Variants in TP53BP2 observed in about 807,000 individuals in gnomAD.
The protein encoded by TP53BP2 is tumor protein p53 binding protein 2.
TP53BP2 carries 62 observed loss-of-function variants against 126.2 expected under a neutral mutation model. The ratio of observed to expected loss-of-function variants is 0.49; its 90% CI spans 0.40 to 0.61. The LOEUF is 0.61. Among genes scored for constraint, TP53BP2 ranks in the 20% least tolerant of loss-of-function variants. The pLI, the probability that TP53BP2 is intolerant of heterozygous loss-of-function variation, is 0.00. For synonymous variants in TP53BP2, 485 were observed against 502.9 expected (o/e 0.96, Z 0.48); for missense variants, 1,215 against 1,402.8 (o/e 0.87, Z 2.14).
chr1:223,792,712 C>T (rs370568265), intron 14 of TP53BP2, among the ~76,000 whole-genome samples, 190 bp from the exon 15 acceptor site: 1 of 151,904 alleles, frequency 6.6e-6, no homozygotes, highest in Non-Finnish European at 1.5e-5. Context: ...GACAGAAAAA[C>T]CACATTAAGT....
chr1:223,836,076 T>C (rs556565802), intron 1 of TP53BP2, among the ~76,000 whole-genome samples: 4 of 152,308 alleles, frequency 2.6e-5, no homozygotes, highest in Admixed American at 6.5e-5. Flanking sequence ...CTCACAACTA[T>C]AGTCCTGGAA....
At chr1:223,814,468 T>C (rs1663018074) in intron 2 of TP53BP2, 115 bp from the exon 3 acceptor site, 2 of 745,622 alleles carry the variant, frequency 2.7e-6, no homozygotes, top group Admixed American at 2.7e-5. Context: ...ATGCTTAGTA[T>C]CTCAGGTAAA....
rs1479452518 is a variant in TP53BP2, at chr1:223,795,814, C to T, written c.2724+1G>A. On this transcript the variant is annotated splice_donor_variant, in intron 13 of 17. Transcript: ENST00000343537. LOFTEE classifies it high-confidence loss of function. Reference sequence around the variant, plus strand: ...AGGCTATGAGATAGTACATTACTTACAGGAGGCAGAGAGACCTGCCCGGTG... The same window carrying T: ...AGGCTATGAGATAGTACATTACTTATAGGAGGCAGAGAGACCTGCCCGGTG... 6.6e-7 allele frequency: 1 copy of T among 1,526,028 alleles called. No individual in the cohort carries two copies. The highest frequency in any genetic ancestry group is 8.8e-7 in the Non-Finnish European group (1 of 1,138,572). 94.5% of individuals were successfully genotyped at this position (1,526,028 alleles called of 1,614,324 possible). A position where few individuals can be genotyped will look rare whatever the true frequency, so the allele number is the denominator to read the frequency against.
chr1:223,807,019 G>A, intron 4 of TP53BP2, 72 bp from the exon 5 acceptor site: 1 of 1,190,944 alleles, frequency 8.4e-7, no homozygotes, highest in East Asian at 2.4e-5. Context: ...CGCCCTCAAA[G>A]GTCTATGTAA....
chr1:223,810,319 A>C (rs1301580186), intron 4 of TP53BP2, 112 bp downstream of exon 4: 1 of 681,046 alleles, frequency 1.5e-6, no homozygotes, highest in Non-Finnish European at 2.3e-6. Flanking sequence ...ATAACCTTTA[A>C]AAAGCGGCCA....
intron 1 of TP53BP2, among the ~76,000 whole-genome samples, chr1:223,845,449 G>A (rs920471323): frequency 6.6e-6 from 1 of 152,114 alleles, no homozygotes; most frequent in East Asian, 1.9e-4. Context: ...GTCTCGCCGC[G>A]CCCCCACGAC....
chr1:223,784,454 TG>T lies in TP53BP2; in HGVS notation c.3164-141del, dbSNP rs1164841000. On this transcript the variant is annotated intron_variant, in intron 16 of 17. Coordinates refer to ENST00000343537, the MANE Select transcript of TP53BP2 (RefSeq NM_001031685.3). ...GTACTACATTAAATATACAATAAAA[TG>T]TCCTGAGGTGGGGGGTAGCATGCAG... The T allele has an allele frequency of 5.5e-6, 4 of 730,636 alleles. No homozygotes were observed. In the East Asian group the frequency reaches 1.1e-4, roughly 20 times the overall value. 45.3% of individuals were successfully genotyped at this position (730,636 alleles called of 1,614,324 possible).
At chr1:223,794,426 A>C (rs1004043861) in intron 13 of TP53BP2, among the ~76,000 whole-genome samples, 4 of 152,238 alleles carry the variant, frequency 2.6e-5, no homozygotes, top group African/African-American at 9.6e-5. Context: ...GTACAGTGTA[A>C]TGACACTTGC....
chr1:223,792,863 CA>C (rs35552256), intron 14 of TP53BP2, among the ~76,000 whole-genome samples: 286 of 129,160 alleles, frequency 2.2e-3, no homozygotes, highest in Middle Eastern at 4.0e-3. Flanking sequence ...CTATGGAAAG[CA>C]AAAAAAAAAA....
At chr1:223,834,854 T>A (rs778130019) in intron 1 of TP53BP2, 105 of 985,310 alleles carry the variant, frequency 1.1e-4, no homozygotes, top group Non-Finnish European at 1.2e-4. Context: ...GTAAATGTTC[T>A]CTTTGCTTCT....
At chr1:223,838,726 A>T (rs1558112699) in intron 1 of TP53BP2, among the ~76,000 whole-genome samples, 2 of 152,252 alleles carry the variant, frequency 1.3e-5, no homozygotes, top group East Asian at 1.9e-4. Context: ...AACCTAATAC[A>T]TCATCAACTT....
At chr1:223,809,904 G>GC (rs1662854879) in intron 4 of TP53BP2, among the ~76,000 whole-genome samples, 1 of 151,898 alleles carries the variant, frequency 6.6e-6, no homozygotes, top group African/African-American at 2.4e-5. Context: ...TAGGCTCACT[G>GC]CAATCTCTGC....
At chr1:223,806,373 A>G (rs1160404886) in intron 5 of TP53BP2, among the ~76,000 whole-genome samples, 1 of 152,190 alleles carries the variant, frequency 6.6e-6, no homozygotes, top group Admixed American at 6.5e-5. Flanking sequence ...ATGCTATAGT[A>G]AGGACTCAAA....
intron 13 of TP53BP2, among the ~76,000 whole-genome samples, chr1:223,794,773 T>G (rs553812246): frequency 6.6e-6 from 1 of 152,334 alleles, no homozygotes; most frequent in African/African-American, 2.4e-5. Context: ...AACCTCTATT[T>G]TAAAACTTTT....
intron 1 of TP53BP2, among the ~76,000 whole-genome samples, chr1:223,836,685 GA>G (rs1663934274): frequency 6.6e-6 from 1 of 152,128 alleles, no homozygotes; most frequent in Non-Finnish European, 1.5e-5. Flanking sequence ...GCAGAGAACA[GA>G]AAAGGTAAGA....
At position 223,807,152 on chromosome 1, in the gene TP53BP2, A is replaced by G. The variant is rs186186397; in HGVS notation, c.373-205T>C. ...GACTTTTTAAGATGTAATGTAAAAC[A>G]CACTAATATACAATAATCTTTTATT... is the stretch of plus-strand genomic sequence containing the variant. On this transcript the variant is annotated intron_variant, in intron 4 of 17. Coordinates refer to ENST00000343537, the MANE Select transcript of TP53BP2 (RefSeq NM_001031685.3). 3.3e-5 allele frequency among the ~76,000 whole-genome samples: 5 copies of G among 152,344 alleles called. No homozygotes were observed. In the East Asian group the frequency reaches 9.7e-4, roughly 29 times the overall value.
rs1203150949 is a variant in TP53BP2, at chr1:223,804,369, T to C, written c.475-21A>G. The C allele has an allele frequency of 2.5e-6, 4 of 1,609,614 alleles. No homozygotes were observed. In the African/African-American group the frequency reaches 4.0e-5, roughly 16 times the overall value. On this transcript the variant is annotated intron_variant, in intron 5 of 17. Transcript: ENST00000343537. ...TGTTCCTAAAAATAAAAGTAATCAT[T>C]AGGTATGTCATTTTAGGTAAGTACA... is the stretch of plus-strand genomic sequence containing the variant.
At chr1:223,827,267 A>C (rs1175453189) in intron 1 of TP53BP2, among the ~76,000 whole-genome samples, 2 of 152,196 alleles carry the variant, frequency 1.3e-5, no homozygotes, top group East Asian at 1.9e-4. Context: ...CAACCTCCAG[A>C]GGTCCCACGG....
Position 223,828,774 on chromosome 1 carries a change from A to G in TP53BP2, c.28-7407T>C, listed in dbSNP as rs537587061. Among the ~76,000 whole-genome samples, 8 of 152,352 alleles carry G rather than the reference A, an allele frequency of 5.3e-5. No individual in the cohort carries two copies. The South Asian group carries it at 1.0e-3, about 20-fold the overall frequency. On this transcript the variant is annotated intron_variant, in intron 1 of 17. Coordinates refer to ENST00000343537, the MANE Select transcript of TP53BP2 (RefSeq NM_001031685.3). The stretch of plus-strand genomic sequence containing the variant: ...ATAATTCCATTTATATGAAATGTCT[A>G]GAATATGCAAATGCATACAGACAAA...
Sources: allele counts gnomAD v4.1 joint callset (sites outside exome capture counted in the v4.1 genomes callset), GRCh38; gene constraint gnomAD v4.1.1; transcripts MANE v1.5; gene names NCBI Gene and HGNC (gene_info 2026-07-23, HGNC 2026-07-21).